The following TENM2 variants were observed in gnomAD, a reference collection of about 807,000 sequenced individuals.
The protein encoded by TENM2 is teneurin-2.
In TENM2, 52 loss-of-function variants were observed where a neutral mutation model predicts 245.2. The ratio of observed to expected loss-of-function variants is 0.21; its 90% CI spans 0.17 to 0.27. The LOEUF (loss-of-function observed/expected upper bound fraction) is 0.27, where lower values mean the gene tolerates loss of function less well. Ranked by LOEUF, TENM2 falls within the 10% of genes least tolerant of loss-of-function variation. TENM2 has a pLI of 1.00. For missense variants in TENM2, 3,046 were observed against 3,666.8 expected, an observed-to-expected ratio of 0.83 and a Z score of 4.37; for synonymous variants, 1,363 against 1,438.9, an observed-to-expected ratio of 0.95 and a Z score of 1.19.
chr5:167,145,142 C>T, the TENM2 span, among the ~76,000 whole-genome samples: 1 of 152,174 alleles, frequency 6.6e-6, no homozygotes, highest in Non-Finnish European at 1.5e-5. Flanking sequence ...TAATAATCTC[C>T]TCAAGATCCT....
chr5:167,897,384 C>T (rs1351087362), intron 3 of TENM2, among the ~76,000 whole-genome samples: 2 of 151,206 alleles, frequency 1.3e-5, no homozygotes, highest in Non-Finnish European at 2.9e-5. Flanking sequence ...GTAAACTTTT[C>T]TTTTTGGCAC....
At chr5:167,613,756 A>ATG (rs886426502) in intron 2 of TENM2, among the ~76,000 whole-genome samples, 1 of 152,144 alleles carries the variant, frequency 6.6e-6, no homozygotes, top group Non-Finnish European at 1.5e-5. Flanking sequence ...GTCAGGCTTT[A>ATG]TGTGTGTGTA....
the TENM2 span, among the ~76,000 whole-genome samples, chr5:167,149,649 T>G: frequency 6.6e-6 from 1 of 152,186 alleles, no homozygotes; most frequent in Non-Finnish European, 1.5e-5. Context: ...GAATAACCTG[T>G]GCTGCTCTTC....
At chr5:168,185,232 G>A (rs1033193321) in intron 13 of TENM2, 4 of 152,124 alleles carry the variant, frequency 2.6e-5, no homozygotes, top group South Asian at 2.1e-4. Context: ...TAATCTCATC[G>A]GCTGCCTTTC....
chr5:168,181,779 C>A (rs142109877), intron 13 of TENM2, among the ~76,000 whole-genome samples: 2 of 147,600 alleles, frequency 1.4e-5, no homozygotes, highest in Non-Finnish European at 3.0e-5. Context: ...CGAGTTCAAG[C>A]GATTCTTCTG....
chr5:167,859,514 T>G (rs1166608525), intron 2 of TENM2, among the ~76,000 whole-genome samples: 2 of 80,602 alleles, frequency 2.5e-5, no homozygotes, highest in African/African-American at 5.5e-5. Flanking sequence ...GATGGGGGGG[T>G]CAGCCCCCCC....
At chr5:167,825,199 G>A (rs562425911) in intron 2 of TENM2, among the ~76,000 whole-genome samples, 54 of 152,180 alleles carry the variant, frequency 3.5e-4, no homozygotes, top group African/African-American at 1.2e-3. Context: ...CAAAAGGAAG[G>A]TCAAAATTCT....
At chr5:167,246,655 G>A in the TENM2 span, among the ~76,000 whole-genome samples, 3 of 152,036 alleles carry the variant, frequency 2.0e-5, no homozygotes, top group African/African-American at 4.8e-5. Context: ...AAAAGCAAGG[G>A]CAAGCTTTTG....
chr5:167,520,599 A>G (rs929063807), intron 2 of TENM2, among the ~76,000 whole-genome samples: 3 of 152,080 alleles, frequency 2.0e-5, no homozygotes, highest in Admixed American at 1.3e-4. Context: ...TTAAAAATAG[A>G]TTGTTCCTGA....
At position 168,224,303 on chromosome 5, in the gene TENM2, G is replaced by A. The variant is rs906634845; in HGVS notation, c.5109-1785G>A. Reference sequence around the variant, plus strand: ...CCTGGGGCCCTGGGCGAGTGATAGCGGTGGATCCTGAGCTCACAGACATTC... The same window carrying A: ...CCTGGGGCCCTGGGCGAGTGATAGCAGTGGATCCTGAGCTCACAGACATTC... On this transcript the variant is annotated intron_variant, in intron 23 of 28. Coordinates refer to ENST00000518659, the Ensembl canonical transcript of TENM2. Among the ~76,000 whole-genome samples, 13 of 152,248 alleles carry A rather than the reference G, an allele frequency of 8.5e-5. No homozygotes were observed. The East Asian group carries it at 2.5e-3, about 29-fold the overall frequency.
At position 167,870,569 on chromosome 5, in the gene TENM2, ATG is replaced by A. The variant is rs1554135290; in HGVS notation, c.503-5409_503-5408del. Among the ~76,000 whole-genome samples the A allele has an allele frequency of 3.9e-3, 559 of 142,422 alleles. 7 individuals are homozygous for A. The highest frequency in any genetic ancestry group is 0.014 in the African/African-American group (509 of 36,176). The allele number at this position is 142,422 out of a possible 152,430, so 93.4% of individuals were successfully genotyped here. A position where few individuals can be genotyped will look rare whatever the true frequency, so the allele number is the denominator to read the frequency against. On this transcript the variant is annotated intron_variant, in intron 2 of 28. Transcript: ENST00000518659. ...AATGTGTATACATATATATATATAT[ATG>A]TGTGTGTATATATATATGTATATAT...
intron 1 of TENM2, among the ~76,000 whole-genome samples, chr5:167,313,279 G>A (rs555625403): frequency 2.0e-5 from 3 of 152,098 alleles, no homozygotes; most frequent in African/African-American, 7.2e-5. Context: ...AATTCCAGGG[G>A]TGTACAATCT....
At chr5:168,214,624 T>G (rs979589521) in intron 20 of TENM2, among the ~76,000 whole-genome samples, 1 of 152,146 alleles carries the variant, frequency 6.6e-6, no homozygotes, top group African/African-American at 2.4e-5. Context: ...TAGGTTAAAA[T>G]GAGAACATTG....
chr5:168,140,013 C>A (rs536483392), intron 12 of TENM2, among the ~76,000 whole-genome samples: 1 of 152,346 alleles, frequency 6.6e-6, no homozygotes, highest in African/African-American at 2.4e-5. Flanking sequence ...ACTACTGACA[C>A]CTACCTCCAG....
At chr5:167,271,013 G>A in the TENM2 span, among the ~76,000 whole-genome samples, 3 of 152,122 alleles carry the variant, frequency 2.0e-5, no homozygotes, top group Non-Finnish European at 4.4e-5. Context: ...TTGACTTGAC[G>A]ATGATTTTGA....
chr5:167,617,460 C>A (rs1777864826), intron 2 of TENM2, among the ~76,000 whole-genome samples: 1 of 152,108 alleles, frequency 6.6e-6, no homozygotes, highest in African/African-American at 2.4e-5. Context: ...AACAAAAAGT[C>A]AAAAAATTCA....
At chr5:167,176,518 A>G in the TENM2 span, among the ~76,000 whole-genome samples, 1 of 152,212 alleles carries the variant, frequency 6.6e-6, no homozygotes, top group African/African-American at 2.4e-5. Flanking sequence ...TCATCTACCA[A>G]CTTAGAAAGG....
intron 4 of TENM2, among the ~76,000 whole-genome samples, chr5:167,960,591 T>G (rs1780935822): frequency 6.7e-6 from 1 of 150,004 alleles, no homozygotes; most frequent in Non-Finnish European, 1.5e-5. Context: ...ACTGCTGTGC[T>G]GGCAGCAAGA....
intron 2 of TENM2, among the ~76,000 whole-genome samples, chr5:167,640,068 C>T (rs1714911526): frequency 6.6e-6 from 1 of 152,134 alleles, no homozygotes; most frequent in African/African-American, 2.4e-5. Flanking sequence ...ATCCTGCTGC[C>T]TGCCTTCACT....
Sources: allele counts gnomAD v4.1 joint callset (sites outside exome capture counted in the v4.1 genomes callset), GRCh38; gene constraint gnomAD v4.1.1; transcripts MANE v1.5; gene names NCBI Gene and HGNC (gene_info 2026-07-23, HGNC 2026-07-21).